CEMIP: variants seen among roughly 807,000 people sequenced by gnomAD.
CEMIP encodes cell migration inducing hyaluronidase 1.
Under a neutral mutation model 156.9 loss-of-function variants are expected in CEMIP, and 105 were observed. The ratio of observed to expected loss-of-function variants is 0.67; its 90% CI spans 0.57 to 0.79. CEMIP has a LOEUF of 0.79. Among genes scored for constraint, CEMIP ranks in the 30% least tolerant of loss-of-function variants. The pLI is 0.00. For missense variants in CEMIP, 1,457 were observed against 1,769.4 expected (o/e 0.82, Z 3.17); for synonymous variants, 676 against 668.4 (o/e 1.01, Z -0.17).
Position 80,873,865 on chromosome 15 carries a change from G to T in CEMIP, c.-15G>T. The T allele has an allele frequency of 1.3e-6, 2 of 1,567,458 alleles. No homozygotes were observed. The highest frequency in any genetic ancestry group is 2.3e-5 in the East Asian group (1 of 43,378). Reference sequence around the variant, plus strand: ...TGACTCTGTGTGCTTCTCTTTCAGGGAGCACACTGCCAGGATGGGAGCTGC... The same window carrying T: ...TGACTCTGTGTGCTTCTCTTTCAGGTAGCACACTGCCAGGATGGGAGCTGC... On this transcript the variant is annotated splice_region_variant and 5_prime_UTR_variant, in exon 3 of 30. Coordinates refer to ENST00000394685, the MANE Select transcript of CEMIP (RefSeq NM_001293298.2).
intron 28 of CEMIP, among the ~76,000 whole-genome samples, chr15:80,944,139 G>T (rs188247157): frequency 9.6e-4 from 146 of 152,260 alleles, no homozygotes; most frequent in African/African-American, 3.4e-3. Context: ...AATTAGCTGG[G>T]TGTGGTGGTG....
At chr15:80,911,962 A>AAGGCTGGGAGAGCTGGGAG (rs1301123149) in intron 14 of CEMIP, among the ~76,000 whole-genome samples, 48 of 100,454 alleles carry the variant, frequency 4.8e-4, no homozygotes, top group African/African-American at 1.8e-3. Context: ...ATTGCTGGGA[A>AAGGCTGGGAGAGCTGGGAG]AGGCTGGGAG....
chr15:80,811,218 A>C (rs1896665068), intron 1 of CEMIP, among the ~76,000 whole-genome samples: 1 of 152,172 alleles, frequency 6.6e-6, no homozygotes, highest in African/African-American at 2.4e-5. Flanking sequence ...GGAAATCTGG[A>C]AATGGTGAAA....
chr15:80,808,875 T>G (rs1050718836), intron 1 of CEMIP, among the ~76,000 whole-genome samples: 2 of 152,058 alleles, frequency 1.3e-5, no homozygotes, highest in Non-Finnish European at 1.5e-5. Flanking sequence ...AGAACTGACT[T>G]TGCTAAAAAT....
intron 1 of CEMIP, among the ~76,000 whole-genome samples, chr15:80,831,653 G>C (rs1392578157): frequency 6.6e-6 from 1 of 152,200 alleles, no homozygotes; most frequent in Non-Finnish European, 1.5e-5. Flanking sequence ...GAGCATTCCA[G>C]ATGACTCCAA....
At chr15:80,909,756 C>T (rs1899972507) in intron 14 of CEMIP, 1 of 399,024 alleles carries the variant, frequency 2.5e-6, no homozygotes, top group South Asian at 1.8e-5. Context: ...GCAAGTGCTG[C>T]TGGGAGAAAT....
At chr15:80,933,146 G>T (rs1380242971) in intron 22 of CEMIP, 99 bp from the exon 23 acceptor site, 4 of 1,063,348 alleles carry the variant, frequency 3.8e-6, no homozygotes, top group Admixed American at 2.0e-5. Flanking sequence ...TGGCTGGCTT[G>T]TAACGTCAGT....
chr15:80,788,451 G>C (rs1895996041), intron 1 of CEMIP, among the ~76,000 whole-genome samples: 1 of 136,074 alleles, frequency 7.3e-6, no homozygotes, highest in South Asian at 2.2e-4. Flanking sequence ...AGCCTGGGCA[G>C]CAAGAGTGAA....
At chr15:80,926,670 G>C (rs1418293339) in intron 19 of CEMIP, among the ~76,000 whole-genome samples, 1 of 152,118 alleles carries the variant, frequency 6.6e-6, no homozygotes, top group African/African-American at 2.4e-5. Flanking sequence ...TTGAGAGACA[G>C]AGAAGGGGAG....
At chr15:80,918,680 G>A (rs573171090) in intron 14 of CEMIP, among the ~76,000 whole-genome samples, 1 of 152,280 alleles carries the variant, frequency 6.6e-6, no homozygotes, top group South Asian at 2.1e-4. Context: ...ACCCAGGGGT[G>A]GGGATGAAGG....
rs199832741 is a variant in CEMIP, at chr15:80,889,576, G to T, written c.1070G>T (p.Arg357Leu). The T allele has an allele frequency of 1.2e-6, 2 of 1,614,106 alleles. No individual in the cohort carries two copies. The highest frequency in any genetic ancestry group is 1.7e-6 in the Non-Finnish European group (2 of 1,179,974). Reference sequence around the variant, plus strand: ...GCTCACCCAGGAAAAATATGCAATCGTCCCATTGATATACAGGTACCAAAC... The same window carrying T: ...GCTCACCCAGGAAAAATATGCAATCTTCCCATTGATATACAGGTACCAAAC... ...WKAHPGKICN[R>L]PIDIQATTMD... The change falls in exon 10 of 30, where the codon CGT becomes CTT. Residue 357 changes from arginine (R) to leucine (L), a missense_variant. Physicochemically the swap from Arg to Leu is moderately radical, Grantham distance 102. Coordinates refer to ENST00000394685, the MANE Select transcript of CEMIP (RefSeq NM_001293298.2).
At chr15:80,917,918 T>C (rs919086798) in intron 14 of CEMIP, among the ~76,000 whole-genome samples, 1 of 151,964 alleles carries the variant, frequency 6.6e-6, no homozygotes, top group Non-Finnish European at 1.5e-5. Context: ...GGATATGGAG[T>C]GTGGTCTGAT....
At position 80,884,289 on chromosome 15, in the gene CEMIP, G is replaced by A; in HGVS notation, c.732G>A (p.Leu244=). The change falls in exon 7 of 30, where the codon CTG becomes CTA. Residue 244 remains leucine, a synonymous_variant. Coordinates refer to ENST00000394685, the MANE Select transcript of CEMIP (RefSeq NM_001293298.2). ...VAVNDEGSRN[L]DDMARKAMTK... ...TGAATGATGAAGGTTCTCGAAATCT[G>A]GATGACATGGCCAGGAAGGCGATGA... The A allele has an allele frequency of 6.2e-7, 1 of 1,614,240 alleles. No homozygotes were observed. The highest frequency in any genetic ancestry group is 8.5e-7 in the Non-Finnish European group (1 of 1,180,040).
chr15:80,901,702 C>A (rs369204978), intron 12 of CEMIP, among the ~76,000 whole-genome samples: 104 of 136,558 alleles, frequency 7.6e-4, no homozygotes, highest in Non-Finnish European at 9.2e-4. Flanking sequence ...GACTTTGTCT[C>A]AAAAAAAAAA....
At position 80,782,912 on chromosome 15, in the gene CEMIP, G is replaced by T. The variant is rs4145804; in HGVS notation, c.-176+3298G>T. Among the ~76,000 whole-genome samples the T allele has an allele frequency of 2.6e-5, 4 of 152,272 alleles. No individual in the cohort carries two copies. In the East Asian group the frequency reaches 7.7e-4, roughly 29 times the overall value. ...TTTCCAGCATACCCATGGCTTTCTG[G>T]TAAGAAAACTATTGAACTACAGGAC... On this transcript the variant is annotated intron_variant, in intron 1 of 29. Transcript: ENST00000394685.
At chr15:80,795,597 G>A (rs935417913) in intron 1 of CEMIP, among the ~76,000 whole-genome samples, 4 of 152,122 alleles carry the variant, frequency 2.6e-5, no homozygotes, top group Admixed American at 1.3e-4. Flanking sequence ...CACTGGGCAC[G>A]GCCAAGCAAG....
rs561381382 is a variant in CEMIP, at chr15:80,791,788, C to T, written c.-176+12174C>T. Among the ~76,000 whole-genome samples the T allele has an allele frequency of 3.3e-5, 5 of 152,232 alleles. No individual in the cohort carries two copies. In the East Asian group the frequency reaches 9.7e-4, roughly 29 times the overall value. On this transcript the variant is annotated intron_variant, in intron 1 of 29. Transcript: ENST00000394685. Reference sequence around the variant, plus strand: ...GAATTCTTGGACACATTTCTAACTGCCTTGTTGACTGACCTGCAGCAGAGG... The same window carrying T: ...GAATTCTTGGACACATTTCTAACTGTCTTGTTGACTGACCTGCAGCAGAGG...
intron 28 of CEMIP, among the ~76,000 whole-genome samples, chr15:80,946,065 T>C (rs1234369876): frequency 6.6e-6 from 1 of 152,216 alleles, no homozygotes; most frequent in Non-Finnish European, 1.5e-5. Flanking sequence ...ATAGAGGCAA[T>C]AGCCCTGTGT....
chr15:80,799,915 C>T (rs1156376614), intron 1 of CEMIP, among the ~76,000 whole-genome samples: 1 of 152,048 alleles, frequency 6.6e-6, no homozygotes, highest in African/African-American at 2.4e-5. Context: ...GTAGCATGAT[C>T]ATAGCTCACT....
Sources: gnomAD v4.1 joint callset for allele counts (sites outside exome capture counted in the v4.1 genomes callset) on GRCh38, gnomAD v4.1.1 for gene constraint, MANE v1.5 for transcripts, NCBI Gene and HGNC (gene_info 2026-07-23, HGNC 2026-07-21) for gene names.